The following SPTBN5 variants were observed in gnomAD, a reference collection of about 807,000 sequenced individuals.
The protein encoded by SPTBN5 is spectrin beta chain, non-erythrocytic 5.
A neutral mutation model predicts 477.6 loss-of-function variants in SPTBN5; 513 were observed. That is an observed-to-expected ratio of 1.07 (90% CI 1.00 to 1.16). The LOEUF (loss-of-function observed/expected upper bound fraction) is 1.16. Among genes scored for constraint, SPTBN5 ranks in the 50% most tolerant of loss-of-function variants. SPTBN5 has a pLI of 0.00. For synonymous variants in SPTBN5, 2,169 were observed against 2,011.7 expected (o/e 1.08, Z -2.09); for missense variants, 5,062 against 4,731.8 (o/e 1.07, Z -2.05).
At chr15:41,855,165 G>C (rs181165529) in intron 55 of SPTBN5, 59 bp downstream of exon 55, 1 of 1,551,468 alleles carries the variant, frequency 6.4e-7, no homozygotes, top group Non-Finnish European at 8.8e-7. Context: ...TTTCATCCCA[G>C]GGCAGGCCTT....
chr15:41,888,037 G>C lies in SPTBN5; in HGVS notation c.550C>G (p.Leu184Val). Residue 184 changes from leucine (L) to valine (V), a missense_variant, in exon 5 of 68, where the codon CTG (leucine) becomes GTG (valine). Physicochemically the swap from Leu to Val is conservative, Grantham distance 32. Transcript: ENST00000320955. ...AALLSTKEAL[L>V]VWCQRKTASY... ...GCTGTCTTCCGCTGGCACCAGACCA[G>C]CAGGGCTTCCTTGGTGGACAGCAGG... 6.3e-7 allele frequency: 1 copy of C among 1,586,424 alleles called. No individual in the cohort carries two copies. Among genetic ancestry groups the C allele is most frequent in the Non-Finnish European group, 8.6e-7 (1 of 1,166,710 alleles).
intron 3 of SPTBN5, among the ~76,000 whole-genome samples, chr15:41,890,595 C>T (rs1050739989): frequency 6.6e-6 from 1 of 152,246 alleles, no homozygotes; most frequent in Non-Finnish European, 1.5e-5. Flanking sequence ...CCTCCATCTC[C>T]CAGGGTGTCC....
Position 41,857,282 on chromosome 15 carries a change from G to A in SPTBN5, c.8577C>T (p.Cys2859=). ...CCTGCTCTTCCACATCTTGGGCAAG[G>A]CAGTGGCCTTCCCTCACAAAGGCCT... ...QAQAFVREGH[C]LAQDVEEQAR... is the part of the protein sequence containing the mutation. The change falls in exon 51 of 68, where the codon TGC becomes TGT. Residue 2859 remains cysteine (C), a synonymous_variant. Coordinates refer to ENST00000320955, the MANE Select transcript of SPTBN5 (RefSeq NM_016642.4). 6.4e-7 allele frequency: 1 copy of A among 1,574,638 alleles called. No homozygotes were observed. The highest frequency in any genetic ancestry group is 1.7e-4 in the Middle Eastern group (1 of 5,972).
Position 41,851,081 on chromosome 15 carries a change from T to C in SPTBN5, c.10813A>G (p.Arg3605Gly). Residue 3605 changes from arginine to glycine, a missense_variant, in exon 65 of 68, where the codon AGG becomes GGG. Arg to Gly is a moderately radical substitution (Grantham distance 125, BLOSUM62 -2). Coordinates refer to ENST00000320955, the MANE Select transcript of SPTBN5 (RefSeq NM_016642.4). ...RCERLRGRHG[R>G]KHTFSLRLTS... is the part of the protein sequence containing the mutation. ...CACCTTAAGGAGAATGTGTGTTTCC[T>C]GCCGTGGCGGCCCCGCAGCCTCTCA... 6.2e-7 allele frequency: 1 copy of C among 1,612,780 alleles called. No individual in the cohort carries two copies. The highest frequency in any genetic ancestry group is 8.5e-7 in the Non-Finnish European group (1 of 1,179,720).
Position 41,887,915 on chromosome 15 carries a change from G to T in SPTBN5, c.659+13C>A. ...CAGTGGGCAGAGGCCTCCTGACAAG[G>T]GTGGGGTCACACCTGTGGGCATGGA... On this transcript the variant is annotated intron_variant, in intron 5 of 67. Transcript: ENST00000320955. 6.2e-7 allele frequency: 1 copy of T among 1,606,080 alleles called. No homozygotes were observed.
At position 41,882,017 on chromosome 15, in the gene SPTBN5, G is replaced by A. The variant is rs1226608533; in HGVS notation, c.2376C>T (p.Arg792=). The A allele has an allele frequency of 3.2e-6, 5 of 1,539,186 alleles. No individual in the cohort carries two copies. The highest frequency in any genetic ancestry group is 1.4e-5 in the African/African-American group (1 of 71,226). The change falls in exon 12 of 68, where the codon CGC becomes CGT. Residue 792 remains arginine (R), a synonymous_variant. Coordinates refer to ENST00000320955, the MANE Select transcript of SPTBN5 (RefSeq NM_016642.4). The part of the protein sequence containing the change: ...TLLRRHVRLE[R]VLRAFAAELR... ...GCTCGGCCGCGAAGGCGCGCAGGAC[G>A]CGCTCCAGCCGCACGTGGCGCCTCA...
chr15:41,864,377 A>C (rs1198884094), intron 39 of SPTBN5, among the ~76,000 whole-genome samples: 1 of 152,138 alleles, frequency 6.6e-6, no homozygotes, highest in Non-Finnish European at 1.5e-5. Context: ...GTAGTGGCAC[A>C]ATCTCAGCTC....
chr15:41,878,005 C>T (rs1051745651), intron 17 of SPTBN5, among the ~76,000 whole-genome samples: 7 of 152,116 alleles, frequency 4.6e-5, no homozygotes, highest in East Asian at 3.9e-4. Flanking sequence ...CGCTGGGGTC[C>T]GTGTTACCAG....
At position 41,861,814 on chromosome 15, in the gene SPTBN5, C is replaced by T. The variant is rs1367116403; in HGVS notation, c.7658G>A (p.Gly2553Asp). The change falls in exon 45 of 68, where the codon GGC becomes GAC. Residue 2553 changes from glycine (G) to aspartate (D), a missense_variant. Transcript: ENST00000320955. Reference protein sequence around the residue: ...FSSDIRQVLAGLEQELSSLEG... With the variant: ...FSSDIRQVLADLEQELSSLEG... ...CAGGCTGCTCAGCTCCTGTTCTAAG[C>T]CAGCCAGCACCTGGCGAATGTCGGA... 2 of 1,590,318 alleles carry T rather than the reference C, an allele frequency of 1.3e-6. No homozygotes were observed. Among genetic ancestry groups the T allele is most frequent in the Admixed American group, 1.7e-5 (1 of 57,520 alleles).
chr15:41,865,480 C>T (rs901923012), intron 39 of SPTBN5, among the ~76,000 whole-genome samples: 1 of 152,222 alleles, frequency 6.6e-6, no homozygotes, highest in Admixed American at 6.5e-5. Context: ...ATACTACCAA[C>T]TAGACCAGAC....
chr15:41,863,411 A>T (rs773884279), intron 41 of SPTBN5, among the ~76,000 whole-genome samples: 5 of 152,076 alleles, frequency 3.3e-5, no homozygotes, highest in Non-Finnish European at 7.4e-5. Context: ...GGAAACAGAG[A>T]GTGTGTTTTC....
At chr15:41,852,095 T>C (rs141961041) in intron 62 of SPTBN5, 87 bp downstream of exon 62, 21,344 of 1,475,366 alleles carry the variant, frequency 0.014, 270 homozygotes, top group South Asian at 0.043. Context: ...CTCCAGGGTG[T>C]GGGCCCTCAC....
At chr15:41,882,896 G>C in intron 9 of SPTBN5, 100 bp downstream of exon 9, 2 of 1,372,020 alleles carry the variant, frequency 1.5e-6, no homozygotes, top group Non-Finnish European at 2.0e-6. Context: ...GGTCAGTGTG[G>C]AGAAAACTGG....
chr15:41,851,924 C>T, intron 62 of SPTBN5, 74 bp from the exon 63 acceptor site: 1 of 1,216,850 alleles, frequency 8.2e-7, no homozygotes, highest in Non-Finnish European at 1.2e-6. Flanking sequence ...ACCCACTGCC[C>T]CCAGCTCTCT....
chr15:41,854,184 C>G lies in SPTBN5; in HGVS notation c.9640G>C (p.Val3214Leu). The change falls in exon 57 of 68, where the codon GTC (valine) becomes CTC (leucine). Residue 3214 changes from valine (V) to leucine (L), a missense_variant. Transcript: ENST00000320955. ...GCTGCTGCCTGCTGAAAGCTGTGGACCTCATGGGCTGCAGCCAAGTTCTGG... is the reference window on the plus strand; with the variant it reads ...GCTGCTGCCTGCTGAAAGCTGTGGAGCTCATGGGCTGCAGCCAAGTTCTGG... The part of the protein sequence containing the change: ...RTENLAAAHE[V>L]HSFQQAAAEL... 1 of 1,600,154 alleles carries G rather than the reference C, an allele frequency of 6.2e-7. No homozygotes were observed. Among genetic ancestry groups the G allele is most frequent in the Non-Finnish European group, 8.5e-7 (1 of 1,173,712 alleles).
chr15:41,860,285 G>A (rs1344383282), intron 47 of SPTBN5, among the ~76,000 whole-genome samples: 2 of 152,192 alleles, frequency 1.3e-5, no homozygotes, highest in African/African-American at 4.8e-5. Flanking sequence ...TGTGCCCTGC[G>A]ACCTTCCGTT....
chr15:41,892,868 C>A, intron 3 of SPTBN5, 26 bp downstream of exon 3: 5 of 1,576,962 alleles, frequency 3.2e-6, no homozygotes, highest in Non-Finnish European at 4.3e-6. Flanking sequence ...CCAGCACCAT[C>A]CCAGACCCCT....
rs1314147703 is a variant in SPTBN5 at position 41,883,351 on chromosome 15, C to T, written c.1656G>A (p.Leu552=). ...VEAASHQLEE[L]QEPARSTACG... ...GGCCTGCTGGTCCAGTGCCCACCTG[C>T]AGCTCCTCCAGCTGGTGGGAGGCAG... The change falls in exon 8 of 68, where the codon CTG becomes CTA. Residue 552 remains leucine, a synonymous_variant. Coordinates refer to ENST00000320955, the MANE Select transcript of SPTBN5 (RefSeq NM_016642.4). The T allele has an allele frequency of 6.8e-6, 11 of 1,612,848 alleles. No individual in the cohort carries two copies. In the Admixed American group the frequency reaches 1.3e-4, roughly 20 times the overall value.
At chr15:41,850,720 C>CAGTA in intron 66 of SPTBN5, 134 bp downstream of exon 66, 1 of 782,478 alleles carries the variant, frequency 1.3e-6, no homozygotes, top group Non-Finnish European at 2.0e-6. Flanking sequence ...TGAGGAAAAA[C>CAGTA]AGTAAGTCCC....
Sources: gnomAD v4.1 joint callset for allele counts (sites outside exome capture counted in the v4.1 genomes callset) on GRCh38, gnomAD v4.1.1 for gene constraint, MANE v1.5 for transcripts, NCBI Gene and HGNC (gene_info 2026-07-23, HGNC 2026-07-21) for gene names.